KIF5B: variants seen among roughly 807,000 people sequenced by gnomAD.
KIF5B encodes kinesin family member 5B.
KIF5B carries 49 observed loss-of-function variants against 132.8 expected under a neutral mutation model. That is an observed-to-expected ratio of 0.37 (90% CI 0.29 to 0.47). KIF5B has a LOEUF of 0.47. Ranked by LOEUF, KIF5B falls within the 20% of genes least tolerant of loss-of-function variation. The pLI is 1.00. For missense variants in KIF5B, 780 were observed against 1,144.0 expected (o/e 0.68, Z 4.59); for synonymous variants, 355 against 369.4 (o/e 0.96, Z 0.45).
chr10:32,031,641 C>T (rs1044319352), intron 13 of KIF5B, among the ~76,000 whole-genome samples: 4 of 151,838 alleles, frequency 2.6e-5, no homozygotes, highest in Non-Finnish European at 5.9e-5. Flanking sequence ...TAGGAGAGAT[C>T]GACTGCAGTC....
intron 5 of KIF5B, 62 bp downstream of exon 5, chr10:32,038,716 T>A (rs555298900): frequency 6.5e-6 from 6 of 929,812 alleles, no homozygotes; most frequent in Admixed American, 4.8e-5. Context: ...TAGTCTCACA[T>A]CTATTATTAA....
chr10:32,014,791 C>A (rs578012513), intron 25 of KIF5B, among the ~76,000 whole-genome samples: 7 of 152,096 alleles, frequency 4.6e-5, no homozygotes, highest in African/African-American at 1.2e-4. Flanking sequence ...TTTCTGGGAA[C>A]CTTCTGGAAA....
At chr10:32,046,370 T>C (rs1841611111) in intron 2 of KIF5B, among the ~76,000 whole-genome samples, 1 of 152,216 alleles carries the variant, frequency 6.6e-6, no homozygotes, top group Admixed American at 6.5e-5. Flanking sequence ...ATGATGACCC[T>C]GTTCCTCTTT....
At position 32,037,158 on chromosome 10, in the gene KIF5B, T is replaced by G. The variant is rs914184309; in HGVS notation, c.711+96A>C. 7 of 1,156,192 alleles carry G rather than the reference T, an allele frequency of 6.1e-6. No homozygotes were observed. In the African/African-American group the frequency reaches 1.1e-4, roughly 18 times the overall value. 71.6% of individuals were successfully genotyped at this position (1,156,192 alleles called of 1,614,324 possible). On this transcript the variant is annotated intron_variant, in intron 8 of 25. Coordinates refer to ENST00000302418, the MANE Select transcript of KIF5B (RefSeq NM_004521.3). ...TCTCAGGTTACCAAATCCAGTTTGG[T>G]AAGTAAGATGCAACAATGAACCCTG... is the stretch of plus-strand genomic sequence containing the variant.
In KIF5B at chr10:32,018,357, G is replaced by A; in HGVS notation, c.2398C>T (p.Arg800Cys). 4.6e-6 allele frequency: 7 copies of A among 1,521,718 alleles called. No individual in the cohort carries two copies. The highest frequency in any genetic ancestry group is 5.3e-6 in the Non-Finnish European group (6 of 1,139,694). The allele number at this position is 1,521,718 out of a possible 1,614,324, so 94.3% of individuals were successfully genotyped here. ...GCCAGGTCCTGAACAAAGAGTTTGC[G>A]CAGGTTGTGTAAAGTCTGAAGTTCT... ...AKELQTLHNL[R>C]KLFVQDLATR... is the part of the protein sequence containing the mutation. Residue 800 changes from arginine (R) to cysteine (C), a missense_variant, in exon 22 of 26, where the codon CGC (arginine) becomes TGC (cysteine). Arg to Cys is a radical substitution (Grantham distance 180, BLOSUM62 -3). Around this residue, in one of 9 missense-constraint regions of KIF5B, gnomAD observed 471 missense variants for 569.9 expected, o/e 0.83. Coordinates refer to ENST00000302418, the MANE Select transcript of KIF5B (RefSeq NM_004521.3).
chr10:32,024,064 C>CAAA (rs371018606), intron 15 of KIF5B, among the ~76,000 whole-genome samples: 7 of 100,098 alleles, frequency 7.0e-5, no homozygotes, highest in South Asian at 3.4e-4. Flanking sequence ...AAAAAAAAAA[C>CAAA]AAAAAAAAAA....
rs1307693619 is a variant in KIF5B at position 32,011,055 on chromosome 10, A to G, written c.*482T>C. 2.6e-5 allele frequency: 4 copies of G among 152,220 alleles called. No individual in the cohort carries two copies. The East Asian group carries it at 7.7e-4, about 29-fold the overall frequency. The allele number at this position is 152,220 out of a possible 1,614,324, so 9.4% of individuals were successfully genotyped here. A position where few individuals can be genotyped will look rare whatever the true frequency, so the allele number is the denominator to read the frequency against. Reference sequence around the variant, plus strand: ...GTAGTGTTGTTAAGTGGTAAAATTTAAAGACATTTAACCTAAATGTTCCAT... The same window carrying G: ...GTAGTGTTGTTAAGTGGTAAAATTTGAAGACATTTAACCTAAATGTTCCAT... On this transcript the variant is annotated 3_prime_UTR_variant, in exon 26 of 26. Transcript: ENST00000302418.
At position 32,009,936 on chromosome 10, in the gene KIF5B, A is replaced by G. The variant is rs1369171214; in HGVS notation, c.*1601T>C. ...ACTACAACAGCAAAGATTTTTGACT[A>G]TTAAAAAAATAAATAAATAAATTTA... On this transcript the variant is annotated 3_prime_UTR_variant, in exon 26 of 26. Coordinates refer to ENST00000302418, the MANE Select transcript of KIF5B (RefSeq NM_004521.3). 6.6e-6 allele frequency: 1 copy of G among 152,084 alleles called. No homozygotes were observed. The highest frequency in any genetic ancestry group is 1.9e-4 in the East Asian group (1 of 5,208). The allele number at this position is 152,084 out of a possible 1,614,324, so 9.4% of individuals were successfully genotyped here. A position where few individuals can be genotyped will look rare whatever the true frequency, so the allele number is the denominator to read the frequency against.
chr10:32,021,424 C>T (rs1239575109), intron 17 of KIF5B, 137 bp from the exon 18 acceptor site: 3 of 646,648 alleles, frequency 4.6e-6, no homozygotes, highest in Non-Finnish European at 8.1e-6. Flanking sequence ...GTCACCTGCT[C>T]TCCAAGTTCA....
intron 19 of KIF5B, 114 bp downstream of exon 19, chr10:32,020,908 T>C (rs1205953234): frequency 1.7e-6 from 1 of 598,500 alleles, no homozygotes; most frequent in Non-Finnish European, 2.8e-6. Context: ...AAATTCTTTA[T>C]TTTCCAAGAT....
Position 32,056,266 on chromosome 10 carries a change from C to A in KIF5B, c.-293G>T. 2.7e-6 allele frequency: 1 copy of A among 372,648 alleles called. No individual in the cohort carries two copies. Among genetic ancestry groups the A allele is most frequent in the South Asian group, 2.8e-5 (1 of 35,562 alleles). The allele number at this position is 372,648 out of a possible 1,614,324, so 23.1% of individuals were successfully genotyped here. ...GCTCCTCAGCGTCCCCCTTTACGGT[C>A]TGGGCGGACTGCGGGGGCTGGGGAG... On this transcript the variant is annotated 5_prime_UTR_variant, in exon 1 of 26. Transcript: ENST00000302418.
chr10:32,055,096 G>A (rs933051864), intron 1 of KIF5B, among the ~76,000 whole-genome samples: 3 of 151,954 alleles, frequency 2.0e-5, no homozygotes, highest in South Asian at 2.1e-4. Flanking sequence ...AACCTAGCAA[G>A]AATGCGATTT....
At position 32,031,102 on chromosome 10, in the gene KIF5B, A is replaced by G. The variant is rs150962014; in HGVS notation, c.1552T>C (p.Leu518=). The G allele has an allele frequency of 4.3e-6, 7 of 1,612,848 alleles. No individual in the cohort carries two copies. Among genetic ancestry groups the G allele is most frequent in the Admixed American group, 1.7e-5 (1 of 59,992 alleles). ...EVEDKTKEYE[L]LSDELNQKSA... ...TTCTGATTCAATTCATCACTAAGCA[A>G]TTCATATTCCTTAGTTTTGTCTTCA... The change falls in exon 14 of 26, where the codon TTG becomes CTG. Residue 518 remains leucine, a synonymous_variant. Coordinates refer to ENST00000302418, the MANE Select transcript of KIF5B (RefSeq NM_004521.3).
chr10:32,033,657 A>G (rs1188202626), intron 12 of KIF5B, among the ~76,000 whole-genome samples, 188 bp downstream of exon 12: 1 of 152,222 alleles, frequency 6.6e-6, no homozygotes, highest in Non-Finnish European at 1.5e-5. Flanking sequence ...TACAGTTTCC[A>G]CACAGAAATT....
Position 32,023,032 on chromosome 10 carries a change from G to A in KIF5B, c.1730C>T (p.Pro577Leu). The A allele has an allele frequency of 1.3e-6, 2 of 1,546,884 alleles. No homozygotes were observed. Among genetic ancestry groups the A allele is most frequent in the Non-Finnish European group, 1.8e-6 (2 of 1,142,232 alleles). ...TTCATCTATCATGCCAGTTCCCTCAGGCTGCTGTAAGGAAAAAGTAAAATA... is the reference window on the plus strand; with the variant it reads ...TTCATCTATCATGCCAGTTCCCTCAAGCTGCTGTAAGGAAAAAGTAAAATA... ...IAVGNNDVKQ[P>L]EGTGMIDEEF... Residue 577 changes from proline to leucine, a missense_variant, in exon 16 of 26, where the codon CCT becomes CTT. By Grantham distance (98) the Pro-to-Leu change is moderately conservative (BLOSUM62 -3). Around this residue, in one of 9 missense-constraint regions of KIF5B, gnomAD observed 471 missense variants for 569.9 expected, o/e 0.83. Transcript: ENST00000302418.
At chr10:32,012,899 ATTTTTTT>A (rs746066933) in intron 25 of KIF5B, among the ~76,000 whole-genome samples, 2 of 136,518 alleles carry the variant, frequency 1.5e-5, no homozygotes, top group African/African-American at 2.7e-5. Context: ...AACTCATGTA[ATTTTTTT>A]TTTTTTTTTT....
At chr10:32,048,208 C>T (rs1841639642) in intron 2 of KIF5B, among the ~76,000 whole-genome samples, 1 of 152,164 alleles carries the variant, frequency 6.6e-6, no homozygotes. Flanking sequence ...AACAGAAATG[C>T]ATCTCTTAAG....
At chr10:32,053,529 G>A (rs1177377412) in intron 1 of KIF5B, among the ~76,000 whole-genome samples, 1 of 151,178 alleles carries the variant, frequency 6.6e-6, no homozygotes, top group Non-Finnish European at 1.5e-5. Flanking sequence ...GTTCGAGACC[G>A]CCCTAGCCAA....
intron 1 of KIF5B, among the ~76,000 whole-genome samples, chr10:32,051,960 TC>T (rs1159571571): frequency 6.6e-6 from 1 of 152,138 alleles, no homozygotes; most frequent in African/African-American, 2.4e-5. Flanking sequence ...TCTTCAAAGA[TC>T]CCCCAAGTTT....
Sources: allele counts gnomAD v4.1 joint callset (sites outside exome capture counted in the v4.1 genomes callset), GRCh38; gene constraint gnomAD v4.1.1; regional missense constraint gnomAD v4.1.1; transcripts MANE v1.5; gene names NCBI Gene and HGNC (gene_info 2026-07-23, HGNC 2026-07-21).